Variants in SHB observed in about 807,000 individuals in gnomAD.
The protein encoded by SHB is SH2 domain-containing adapter protein B.
A neutral mutation model predicts 52.3 loss-of-function variants in SHB; 20 were observed. The ratio of observed to expected loss-of-function variants is 0.38; its 90% CI spans 0.27 to 0.56. The LOEUF is 0.56. SHB is among the 20% of genes least tolerant of loss of function. The pLI is 0.71. For missense variants in SHB, 825 were observed against 723.3 expected, an observed-to-expected ratio of 1.14 and a Z score of -1.61; for synonymous variants, 397 against 316.5, an observed-to-expected ratio of 1.25 and a Z score of -2.70.
At chr9:38,010,578 C>T (rs1201260654) in intron 2 of SHB, among the ~76,000 whole-genome samples, 1 of 152,206 alleles carries the variant, frequency 6.6e-6, no homozygotes, top group African/African-American at 2.4e-5. Flanking sequence ...ACTCAGTTCT[C>T]ATCACCGCCA....
At chr9:38,032,620 C>T (rs1307998001) in intron 1 of SHB, among the ~76,000 whole-genome samples, 2 of 152,342 alleles carry the variant, frequency 1.3e-5, no homozygotes, top group East Asian at 1.9e-4. Context: ...CCGGGCCACA[C>T]CTGGGGAAGC....
chr9:37,953,850 G>A (rs1040174170), intron 4 of SHB, among the ~76,000 whole-genome samples: 2 of 152,210 alleles, frequency 1.3e-5, no homozygotes, highest in Non-Finnish European at 2.9e-5. Flanking sequence ...TGATGAGTCA[G>A]GACTTCTGAC....
chr9:38,027,410 C>T (rs146950707), intron 1 of SHB, among the ~76,000 whole-genome samples: 1 of 152,256 alleles, frequency 6.6e-6, no homozygotes, highest in African/African-American at 2.4e-5. Context: ...GGCAAGGGCA[C>T]AAGGGCACTA....
At chr9:38,005,407 GCAGGACTCT>G (rs1821065824) in intron 2 of SHB, among the ~76,000 whole-genome samples, 2 of 152,322 alleles carry the variant, frequency 1.3e-5, no homozygotes, top group South Asian at 4.1e-4. Flanking sequence ...AAGGGAGAAG[GCAGGACTCT>G]CCAGGAGATG....
At chr9:38,016,867 C>T (rs1297261437) in intron 1 of SHB, among the ~76,000 whole-genome samples, 1 of 152,166 alleles carries the variant, frequency 6.6e-6, no homozygotes, top group African/African-American at 2.4e-5. Context: ...GCCTGAGCTC[C>T]CCACTTGTCT....
At chr9:38,000,134 C>T (rs1820993806) in intron 2 of SHB, among the ~76,000 whole-genome samples, 1 of 152,218 alleles carries the variant, frequency 6.6e-6, no homozygotes, top group African/African-American at 2.4e-5. Context: ...GTCCATCCCT[C>T]CCACAGGCAG....
At chr9:38,034,012 G>A (rs1334808659) in intron 1 of SHB, among the ~76,000 whole-genome samples, 1 of 152,124 alleles carries the variant, frequency 6.6e-6, no homozygotes, top group African/African-American at 2.4e-5. Context: ...TAATAACGGG[G>A]CTCACCCTTC....
intron 2 of SHB, among the ~76,000 whole-genome samples, chr9:38,003,494 C>T (rs1821043902): frequency 6.6e-6 from 1 of 152,176 alleles, no homozygotes; most frequent in Admixed American, 6.5e-5. Flanking sequence ...CACATGACAG[C>T]AGTCATAAGC....
At chr9:37,967,164 G>C (rs1294275259) in intron 3 of SHB, among the ~76,000 whole-genome samples, 1 of 152,254 alleles carries the variant, frequency 6.6e-6, no homozygotes, top group Admixed American at 6.5e-5. Context: ...ACCTTGCAAG[G>C]CTCTGTAGGG....
intron 1 of SHB, among the ~76,000 whole-genome samples, chr9:38,027,399 A>G (rs1012804325): frequency 3.3e-5 from 5 of 152,182 alleles, no homozygotes; most frequent in African/African-American, 9.6e-5. Context: ...ATGCTGGCAT[A>G]GGCAAGGGCA....
At chr9:38,037,965 C>T (rs1187942052) in intron 1 of SHB, among the ~76,000 whole-genome samples, 2 of 152,186 alleles carry the variant, frequency 1.3e-5, no homozygotes, top group African/African-American at 4.8e-5. Context: ...TTTTTAAAAT[C>T]TGGCTCTCTT....
At chr9:37,936,039 C>CT (rs1554698498) in intron 5 of SHB, among the ~76,000 whole-genome samples, 1 of 125,466 alleles carries the variant, frequency 8.0e-6, no homozygotes, top group Non-Finnish European at 1.7e-5. Flanking sequence ...CCCGTCTCTA[C>CT]TAAAAAAAAA....
At chr9:37,929,206 A>C (rs747245427) in intron 5 of SHB, among the ~76,000 whole-genome samples, 18 of 152,228 alleles carry the variant, frequency 1.2e-4, no homozygotes, top group Non-Finnish European at 2.4e-4. Context: ...GGGTAGTCTG[A>C]GGTCTGGACA....
At chr9:38,002,480 A>C (rs891471405) in intron 2 of SHB, among the ~76,000 whole-genome samples, 10 of 152,116 alleles carry the variant, frequency 6.6e-5, no homozygotes, top group African/African-American at 2.2e-4. Context: ...CTTGCTTTGA[A>C]AGAGCACTAC....
intron 5 of SHB, among the ~76,000 whole-genome samples, chr9:37,931,563 T>C (rs1312412750): frequency 6.6e-6 from 1 of 152,164 alleles, no homozygotes; most frequent in Non-Finnish European, 1.5e-5. Context: ...CCCACTAGAA[T>C]GGCTATTATC....
chr9:38,059,257 C>T (rs1226912933), intron 1 of SHB, among the ~76,000 whole-genome samples: 2 of 86,742 alleles, frequency 2.3e-5, no homozygotes, highest in Non-Finnish European at 5.7e-5. Context: ...ACCCACCTGT[C>T]GAGTCACTCT....
rs1832136638 is a variant in SHB, at chr9:37,918,764, C to T, written c.*1057G>A. ...GTGCTAACAGATAGTGGGGAGAGAG[C>T]CCTTTGTAGCCAGCTGGGTGCTGTG... is the stretch of plus-strand genomic sequence containing the variant. On this transcript the variant is annotated 3_prime_UTR_variant, in exon 6 of 6. Transcript: ENST00000377707. 6.6e-6 allele frequency among the ~76,000 whole-genome samples: 1 copy of T among 152,212 alleles called. No homozygotes were observed. Among genetic ancestry groups the T allele is most frequent in the Admixed American group, 6.5e-5 (1 of 15,286 alleles).
intron 4 of SHB, among the ~76,000 whole-genome samples, chr9:37,949,148 C>A (rs182920781): frequency 1.2e-3 from 177 of 152,254 alleles, no homozygotes; most frequent in African/African-American, 4.2e-3. Context: ...GTAATCCCAG[C>A]GCTTTGGGAG....
intron 2 of SHB, among the ~76,000 whole-genome samples, chr9:37,999,157 G>C (rs1286341888): frequency 6.6e-6 from 1 of 152,174 alleles, no homozygotes. Flanking sequence ...TGGAAAGTCT[G>C]GGCTCAGATC....
Sources: allele counts gnomAD v4.1 joint callset (sites outside exome capture counted in the v4.1 genomes callset), GRCh38; gene constraint gnomAD v4.1.1; transcripts MANE v1.5; gene names NCBI Gene and HGNC (gene_info 2026-07-23, HGNC 2026-07-21).